SEPTIN14: variants seen among roughly 807,000 people sequenced by gnomAD.
SEPTIN14 encodes the protein septin-14.
In SEPTIN14, 40 loss-of-function variants were observed where a neutral mutation model predicts 53.6. That is an observed-to-expected ratio of 0.75 (90% confidence interval 0.58 to 0.97). The LOEUF is 0.97. SEPTIN14 is among the 50% of genes least tolerant of loss of function. The pLI, the probability that SEPTIN14 is intolerant of heterozygous loss-of-function variation, is 0.00. For synonymous variants in SEPTIN14, 138 were observed against 166.8 expected (o/e 0.83, Z 1.33); for missense variants, 471 against 508.2 (o/e 0.93, Z 0.70).
At chr7:55,810,432 T>C (rs1437219110) in intron 7 of SEPTIN14, among the ~76,000 whole-genome samples, 3 of 151,848 alleles carry the variant, frequency 2.0e-5, no homozygotes, top group East Asian at 1.9e-4. Flanking sequence ...CTTTATGCTA[T>C]TAAATTGTTT....
intron 8 of SEPTIN14, among the ~76,000 whole-genome samples, chr7:55,806,503 G>T (rs767112136): frequency 2.8e-5 from 4 of 142,410 alleles, no homozygotes; most frequent in African/African-American, 1.1e-4. Context: ...TGCTCAGTCC[G>T]CCACGCTGGA....
chr7:55,855,103 G>C (rs1335808330), intron 2 of SEPTIN14, among the ~76,000 whole-genome samples: 2 of 151,232 alleles, frequency 1.3e-5, no homozygotes, highest in African/African-American at 4.9e-5. Context: ...CTGCCTCCCA[G>C]GTTCACGCTA....
chr7:55,852,207 C>T (rs1475885386), intron 2 of SEPTIN14, among the ~76,000 whole-genome samples: 1 of 151,304 alleles, frequency 6.6e-6, no homozygotes, highest in Non-Finnish European at 1.5e-5. Flanking sequence ...TTATACGTAC[C>T]CACAAAAGAC....
intron 7 of SEPTIN14, among the ~76,000 whole-genome samples, chr7:55,818,371 C>T (rs1788830688): frequency 6.9e-6 from 1 of 145,764 alleles, no homozygotes; most frequent in Non-Finnish European, 1.5e-5. Flanking sequence ...ACTCGGAAGG[C>T]TTAGGCAGGA....
intron 6 of SEPTIN14, among the ~76,000 whole-genome samples, chr7:55,824,820 AT>A (rs1403188626): frequency 6.6e-6 from 1 of 151,686 alleles, no homozygotes; most frequent in South Asian, 2.1e-4. Context: ...TTTTTTTTTA[AT>A]TTCCAAAATC....
At chr7:55,846,130 T>C (rs1390232409) in intron 3 of SEPTIN14, among the ~76,000 whole-genome samples, 4 of 133,946 alleles carry the variant, frequency 3.0e-5, no homozygotes, top group African/African-American at 2.7e-5. Context: ...GTCATTAACA[T>C]AATGGAAAAA....
rs890913923 is a variant in SEPTIN14, at chr7:55,830,555, G to A, written c.720+3870C>T. ...AGAAGGGGTTTCATGGTGTTGGCCA[G>A]GATAGTCTCGATTTCCTGACCTCAT... is the stretch of plus-strand genomic sequence containing the variant. On this transcript the variant is annotated intron_variant, in intron 6 of 9. Transcript: ENST00000388975. Among the ~76,000 whole-genome samples, 15 of 151,138 alleles carry A rather than the reference G, an allele frequency of 9.9e-5. 1 individual carries two copies. The highest frequency in any genetic ancestry group is 2.0e-4 in the Admixed American group (3 of 15,170).
intron 4 of SEPTIN14, among the ~76,000 whole-genome samples, chr7:55,843,742 G>T (rs1789355369): frequency 6.6e-6 from 1 of 152,212 alleles, no homozygotes. Context: ...TGAGGTAGGA[G>T]AATAGCATGA....
chr7:55,845,722 C>T (rs1789389767), intron 3 of SEPTIN14, among the ~76,000 whole-genome samples: 2 of 151,720 alleles, frequency 1.3e-5, no homozygotes, highest in African/African-American at 2.4e-5. Flanking sequence ...AATAAAGGGT[C>T]TCAAATACTT....
chr7:55,840,988 C>A (rs1333725217), intron 5 of SEPTIN14, among the ~76,000 whole-genome samples: 1 of 152,158 alleles, frequency 6.6e-6, no homozygotes, highest in African/African-American at 2.4e-5. Context: ...CAACCTCCGC[C>A]TCCCTGGTTC....
At position 55,795,733 on chromosome 7, in the gene SEPTIN14, G is replaced by A. The variant is rs537360302; in HGVS notation, c.*180C>T. 4.3e-4 allele frequency: 255 copies of A among 590,598 alleles called. 1 individual carries two copies. In the African/African-American group the frequency reaches 4.4e-3, roughly 10 times the overall value. The allele number at this position is 590,598 out of a possible 1,614,324, so 36.6% of individuals were successfully genotyped here. ...TCCACCCGCCTCAGCCTCCCAAAGT[G>A]CTGGGATTACAGGCATGAGCCACCA... On this transcript the variant is annotated 3_prime_UTR_variant, in exon 10 of 10. Transcript: ENST00000388975.
At chr7:55,859,228 T>C (rs1368222610) in intron 2 of SEPTIN14, among the ~76,000 whole-genome samples, 1 of 152,172 alleles carries the variant, frequency 6.6e-6, no homozygotes, top group Non-Finnish European at 1.5e-5. Context: ...AGTTTTATGA[T>C]TTCAGGTCTT....
rs895838984 is a variant in SEPTIN14, at chr7:55,794,330, G to A, written c.*1583C>T. ...AGAATGAGAAGATAAAGGTCCCTCA[G>A]CAATATAACTCACAAACATGTTCAG... On this transcript the variant is annotated 3_prime_UTR_variant, in exon 10 of 10. Coordinates refer to ENST00000388975, the MANE Select transcript of SEPTIN14 (RefSeq NM_207366.3). 1.3e-5 allele frequency: 2 copies of A among 152,096 alleles called. No individual in the cohort carries two copies. The highest frequency in any genetic ancestry group is 4.8e-5 in the African/African-American group (2 of 41,414). The allele number at this position is 152,096 out of a possible 1,614,324, so 9.4% of individuals were successfully genotyped here. A position where few individuals can be genotyped will look rare whatever the true frequency, so the allele number is the denominator to read the frequency against.
At chr7:55,802,550 G>GA (rs143926281) in intron 9 of SEPTIN14, among the ~76,000 whole-genome samples, 52,176 of 143,856 alleles carry the variant, frequency 0.36, 9,064 homozygotes, top group East Asian at 0.52. Context: ...ACCACATGCA[G>GA]AAAAAAAAAT....
intron 5 of SEPTIN14, among the ~76,000 whole-genome samples, chr7:55,837,807 T>C (rs1789236945): frequency 6.6e-6 from 1 of 152,190 alleles, no homozygotes; most frequent in Admixed American, 6.5e-5. Context: ...GTTCTCAAAC[T>C]CCTGACCTCA....
At chr7:55,833,797 A>G (rs1053436571) in intron 6 of SEPTIN14, among the ~76,000 whole-genome samples, 2 of 152,214 alleles carry the variant, frequency 1.3e-5, no homozygotes, top group African/African-American at 4.8e-5. Flanking sequence ...ACTTAGACTA[A>G]GAACAAAAAG....
At chr7:55,830,355 T>A (rs1249448016) in intron 6 of SEPTIN14, among the ~76,000 whole-genome samples, 6 of 117,812 alleles carry the variant, frequency 5.1e-5, no homozygotes, top group African/African-American at 1.7e-4. Context: ...ATATATTTTT[T>A]TTTTTTTTTG....
rs1300137305 is a variant in SEPTIN14, at chr7:55,795,037, C to A, written c.*876G>T. On this transcript the variant is annotated 3_prime_UTR_variant, in exon 10 of 10. Transcript: ENST00000388975. ...CATTCAAATGCAACTCTTTCTCTAGCTTTTGAATTCTTTATTCTAATATCA... is the reference window on the plus strand; with the variant it reads ...CATTCAAATGCAACTCTTTCTCTAGATTTTGAATTCTTTATTCTAATATCA... 6.6e-6 allele frequency: 1 copy of A among 152,298 alleles called. No individual in the cohort carries two copies. The allele number at this position is 152,298 out of a possible 1,614,324, so 9.4% of individuals were successfully genotyped here.
rs746444434 is a variant in SEPTIN14 at position 55,844,689 on chromosome 7, T to A, written c.205A>T (p.Ile69Leu). The part of the protein sequence containing the change: ...GETGIGKSTL[I>L]DTLFNTNLKD... The stretch of plus-strand genomic sequence containing the variant: ...AAGTTAGTATTAAACAATGTGTCTA[T>A]CAGTGTCGATTTTCCAATTCCAGTC... The change falls in exon 4 of 10, where the codon ATA (isoleucine) becomes TTA (leucine). Residue 69 changes from isoleucine (I) to leucine (L), a missense_variant. Coordinates refer to ENST00000388975, the MANE Select transcript of SEPTIN14 (RefSeq NM_207366.3). The A allele has an allele frequency of 6.2e-7, 1 of 1,602,546 alleles. No individual in the cohort carries two copies. Among genetic ancestry groups the A allele is most frequent in the Admixed American group, 1.7e-5 (1 of 59,814 alleles).
Sources: allele counts gnomAD v4.1 joint callset (sites outside exome capture counted in the v4.1 genomes callset), GRCh38; gene constraint gnomAD v4.1.1; transcripts MANE v1.5; gene names NCBI Gene and HGNC (gene_info 2026-07-23, HGNC 2026-07-21).